The following NUP160 variants were observed in gnomAD, a reference collection of about 807,000 sequenced individuals.
NUP160 encodes nucleoporin 160, also known as nuclear pore complex protein Nup160.
In NUP160, 94 loss-of-function variants were observed where a neutral mutation model predicts 196.9. That is an observed-to-expected ratio of 0.48 (90% confidence interval 0.40 to 0.57). NUP160 has a LOEUF of 0.57. Ranked by LOEUF, NUP160 falls within the 20% of genes least tolerant of loss-of-function variation. The pLI, the probability that NUP160 is intolerant of heterozygous loss-of-function variation, is 0.00. For synonymous variants in NUP160, 605 were observed against 619.7 expected (o/e 0.98, Z 0.35); for missense variants, 1,638 against 1,748.3 (o/e 0.94, Z 1.13).
Position 47,791,919 on chromosome 11 carries a change from T to C in NUP160, c.3511+11A>G. On this transcript the variant is annotated intron_variant, in intron 29 of 35. Coordinates refer to ENST00000378460, the Ensembl canonical transcript of NUP160. ...GTCTAGCAAAGAACCAGTGTGAGAC[T>C]CCTGACTCACTGGGGGCAGCTGTGC... 6.3e-7 allele frequency: 1 copy of C among 1,593,902 alleles called. No individual in the cohort carries two copies. Among genetic ancestry groups the C allele is most frequent in the African/African-American group, 1.3e-5 (1 of 74,540 alleles).
intron 17 of NUP160, among the ~76,000 whole-genome samples, chr11:47,809,506 T>C (rs888122381): frequency 2.6e-5 from 4 of 152,092 alleles, no homozygotes; most frequent in Non-Finnish European, 5.9e-5. Flanking sequence ...CCCAGCACTT[T>C]GTGAGGCTGA....
intron 27 of NUP160, chr11:47,796,447 T>C (rs1338745827): frequency 2.3e-5 from 7 of 301,694 alleles, no homozygotes; most frequent in Admixed American, 1.0e-4. Flanking sequence ...TGTCTTTAAC[T>C]TCCTCCCAGA....
intron 1 of NUP160, 54 bp downstream of exon 1, chr11:47,848,165 G>C: frequency 6.3e-7 from 1 of 1,587,608 alleles, no homozygotes; most frequent in Non-Finnish European, 8.6e-7. Flanking sequence ...TGGGACCCAT[G>C]AGAGGAGCCC....
intron 17 of NUP160, 100 bp downstream of exon 17, chr11:47,811,963 CA>C: frequency 9.6e-7 from 1 of 1,037,744 alleles, no homozygotes; most frequent in Non-Finnish European, 1.4e-6. Flanking sequence ...TGAACCAAGA[CA>C]AAAGTATCTG....
rs752272425 is a variant in NUP160 at position 47,848,363 on chromosome 11, G to C, written c.58C>G (p.Arg20Gly). The C allele has an allele frequency of 3.7e-6, 6 of 1,610,900 alleles. No individual in the cohort carries two copies. Among genetic ancestry groups the C allele is most frequent in the South Asian group, 1.1e-5 (1 of 90,946 alleles). The change falls in exon 1 of 36, where the codon CGG becomes GGG. Residue 20 changes from arginine to glycine, a missense_variant. Around this residue, in one of 3 missense-constraint regions of NUP160, gnomAD observed 287 missense variants for 259.5 expected, o/e 1.11. Transcript: ENST00000378460. The stretch of plus-strand genomic sequence containing the variant: ...CGCCCAACGGAACAAAGGCAGGGCC[G>C]CGCGGTCGCCGTCACTTCCGGGGGT...
rs2097682131 is a variant in NUP160, at chr11:47,813,157, C to CTTAGATAGACCAA, written c.1787-111_1787-110insTTGGTCTATCTAA. On this transcript the variant is annotated intron_variant, in intron 14 of 35. Transcript: ENST00000378460. ...ATGACAAGAAATCTATCTGAGGTCT[C>CTTAGATAGACCAA]AGAGATGCTTTGGTCTCTTAAGTGT... The CTTAGATAGACCAA allele has an allele frequency of 6.0e-6, 6 of 1,005,636 alleles. No individual in the cohort carries two copies. In the South Asian group the frequency reaches 7.7e-5, roughly 13 times the overall value. The allele number at this position is 1,005,636 out of a possible 1,614,324, so 62.3% of individuals were successfully genotyped here.
chr11:47,799,853 C>T (rs759161095), intron 23 of NUP160, among the ~76,000 whole-genome samples: 1 of 152,120 alleles, frequency 6.6e-6, no homozygotes, highest in African/African-American at 2.4e-5. Flanking sequence ...CTATAATGGA[C>T]CTGGAAAATT....
chr11:47,811,354 C>CA (rs1217995497), intron 17 of NUP160, among the ~76,000 whole-genome samples: 5 of 151,654 alleles, frequency 3.3e-5, no homozygotes, highest in African/African-American at 1.2e-4. Context: ...ACTAAAAATA[C>CA]AAAAATTAGC....
chr11:47,791,932 G>A (rs777319816), exon 29 of NUP160: 5 of 1,609,028 alleles, frequency 3.1e-6, no homozygotes, highest in Non-Finnish European at 4.3e-6. Flanking sequence ...TGACTCACTG[G>A]GGGCAGCTGT....
In NUP160 at chr11:47,815,654, C is replaced by A. The variant is rs375878829; in HGVS notation, c.1516-5G>T. On this transcript the variant is annotated splice_polypyrimidine_tract_variant and splice_region_variant and intron_variant, in intron 12 of 35. Coordinates refer to ENST00000378460, the Ensembl canonical transcript of NUP160. ...CTCTGTTACACTTCCTTGAAGCTGG[C>A]AAAGAAGAAATGAAAGAAATTAAAC... The A allele has an allele frequency of 2.1e-5, 33 of 1,570,906 alleles. No individual in the cohort carries two copies. Among genetic ancestry groups the A allele is most frequent in the African/African-American group, 6.9e-5 (5 of 72,552 alleles).
chr11:47,837,620 A>G lies in NUP160; in HGVS notation c.752T>C (p.Met251Thr), dbSNP rs1852202369. The change falls in exon 5 of 36, where the codon ATG becomes ACG. Residue 251 changes from methionine to threonine, a missense_variant. Physicochemically the swap from Met to Thr is moderately conservative, Grantham distance 81. This residue lies in a region of NUP160 where 1,345 missense variants were observed against 1,470.2 expected (regional missense o/e 0.91). Transcript: ENST00000378460. ...CTGTTTCAGTTCCACGACTGACACC[A>G]TACCTGCAATGATATCCAAGGCACC... The G allele has an allele frequency of 2.5e-6, 4 of 1,613,312 alleles. No homozygotes were observed. Among genetic ancestry groups the G allele is most frequent in the African/African-American group, 1.3e-5 (1 of 74,930 alleles).
chr11:47,784,843 A>C (rs1015064597), intron 33 of NUP160, 79 bp downstream of exon 33: 3 of 1,123,994 alleles, frequency 2.7e-6, no homozygotes, highest in East Asian at 2.7e-5. Context: ...CAATCAGTCC[A>C]TATTTTTAAT....
At chr11:47,796,629 G>A (rs1323569845) in intron 27 of NUP160, among the ~76,000 whole-genome samples, 2 of 152,296 alleles carry the variant, frequency 1.3e-5, no homozygotes, top group East Asian at 1.9e-4. Flanking sequence ...CTGCGTTAAT[G>A]TTTTAACTTT....
intron 7 of NUP160, among the ~76,000 whole-genome samples, chr11:47,834,656 G>C (rs960338077): frequency 1.3e-5 from 2 of 152,160 alleles, no homozygotes; most frequent in Non-Finnish European, 2.9e-5. Flanking sequence ...GAGTCAGTCT[G>C]AACAGGTTGA....
At position 47,806,139 on chromosome 11, in the gene NUP160, A is replaced by G. The variant is rs766532120; in HGVS notation, c.2606+14T>C. On this transcript the variant is annotated intron_variant, in intron 20 of 35. Coordinates refer to ENST00000378460, the Ensembl canonical transcript of NUP160. ...AGAAGAGAGCTTTTCACTGGCTTCT[A>G]AATAAAAGGATACAAAAGCTGCAAT... 6.2e-7 allele frequency: 1 copy of G among 1,612,920 alleles called. No individual in the cohort carries two copies. The highest frequency in any genetic ancestry group is 1.7e-5 in the Admixed American group (1 of 59,988).
chr11:47,804,613 G>A, exon 21 of NUP160: 1 of 1,524,360 alleles, frequency 6.6e-7, no homozygotes, highest in Non-Finnish European at 8.7e-7. Flanking sequence ...AGGATTGCTA[G>A]GCCATCTAGT....
Position 47,785,106 on chromosome 11 carries a change from T to TTTTTTTTTTTTTTTTTGAGACGG in NUP160, c.3849-44_3849-43insCCGTCTCAAAAAAAAAAAAAAAA. 3.7e-5 allele frequency: 36 copies of TTTTTTTTTTTTTTTTTGAGACGG among 981,278 alleles called. 1 individual carries two copies. The highest frequency in any genetic ancestry group is 2.6e-4 in the Middle Eastern group (1 of 3,806). 60.8% of individuals were successfully genotyped at this position (981,278 alleles called of 1,614,324 possible). ...TGACTAATGAGTTTCAGATTCTTAA[T>TTTTTTTTTTTTTTTTTGAGACGG]AGCTATTTAGAGTACCATTCAAAGC... On this transcript the variant is annotated intron_variant, in intron 32 of 35. Transcript: ENST00000378460.
chr11:47,819,388 C>T (rs747820146), exon 10 of NUP160: 4 of 1,609,898 alleles, frequency 2.5e-6, no homozygotes, highest in Non-Finnish European at 3.4e-6. Context: ...GGGTCTTGAT[C>T]ATCTCTGATG....
intron 29 of NUP160, among the ~76,000 whole-genome samples, chr11:47,789,235 G>A (rs1371138048): frequency 6.6e-6 from 1 of 152,056 alleles, no homozygotes; most frequent in East Asian, 1.9e-4. Flanking sequence ...TTGAACTCCT[G>A]AGCTCAAATG....
Sources: allele counts gnomAD v4.1 joint callset (sites outside exome capture counted in the v4.1 genomes callset), GRCh38; gene constraint gnomAD v4.1.1; regional missense constraint gnomAD v4.1.1; transcripts MANE v1.5; gene names NCBI Gene and HGNC (gene_info 2026-07-23, HGNC 2026-07-21).